The following SLC22A23 variants were observed in gnomAD, a reference collection of about 807,000 sequenced individuals.
The protein encoded by SLC22A23 is ion transporter protein.
Under a neutral mutation model 61.0 loss-of-function variants are expected in SLC22A23, and 26 were observed. The ratio of observed to expected loss-of-function variants is 0.43; its 90% confidence interval spans 0.31 to 0.59. The LOEUF is 0.59. SLC22A23 is among the 20% of genes least tolerant of loss of function. The probability of loss-of-function intolerance (pLI) is 0.11; values close to 1 mark genes in which losing one functional copy is unlikely to be tolerated. For missense variants in SLC22A23, 796 were observed against 934.7 expected (o/e 0.85, Z 1.94); for synonymous variants, 430 against 413.9 (o/e 1.04, Z -0.47).
At position 3,273,020 on chromosome 6, in the gene SLC22A23, C is replaced by A; in HGVS notation, c.*35G>T. 6.6e-7 allele frequency: 1 copy of A among 1,505,062 alleles called. No homozygotes were observed. Among genetic ancestry groups the A allele is most frequent in the African/African-American group, 1.4e-5 (1 of 72,118 alleles). The allele number at this position is 1,505,062 out of a possible 1,614,324, so 93.2% of individuals were successfully genotyped here. On this transcript the variant is annotated 3_prime_UTR_variant, in exon 10 of 10. Coordinates refer to ENST00000406686, the MANE Select transcript of SLC22A23 (RefSeq NM_015482.2). ...GTCTGTAAACCTGTGCCCAAGCTGCCCCAGACCCTGGAGCCCCGGGTTCCG... is the reference window on the plus strand; with the variant it reads ...GTCTGTAAACCTGTGCCCAAGCTGCACCAGACCCTGGAGCCCCGGGTTCCG...
intron 1 of SLC22A23, among the ~76,000 whole-genome samples, chr6:3,442,354 A>G (rs1771653908): frequency 6.6e-6 from 1 of 152,236 alleles, no homozygotes; most frequent in Admixed American, 6.5e-5. Flanking sequence ...CTGCACAACA[A>G]TGAGGATGCA....
Position 3,318,058 on chromosome 6 carries a change from C to A in SLC22A23, c.1082+5776G>T, listed in dbSNP as rs540712985. Among the ~76,000 whole-genome samples the A allele has an allele frequency of 2.4e-4, 36 of 152,300 alleles. No individual in the cohort carries two copies. The highest frequency in any genetic ancestry group is 6.8e-3 in the Middle Eastern group (2 of 294). ...CTCCTGTGCTCACTGCACCCCCTGCCAAGTCCCTGTCCAGTCTCTGGGTGC... is the reference window on the plus strand; with the variant it reads ...CTCCTGTGCTCACTGCACCCCCTGCAAAGTCCCTGTCCAGTCTCTGGGTGC... On this transcript the variant is annotated intron_variant, in intron 4 of 9. Coordinates refer to ENST00000406686, the MANE Select transcript of SLC22A23 (RefSeq NM_015482.2). This position sits in a 1 kb window ranked among gnomAD's most constrained non-coding sequence, Gnocchi z 4.3.
intron 9 of SLC22A23, chr6:3,283,573 A>G (rs1389761556): frequency 2.4e-6 from 1 of 408,932 alleles, no homozygotes; most frequent in African/African-American, 2.0e-5. Context: ...CCCCCTTGCC[A>G]GACGCTCAGA....
At chr6:3,361,427 T>C (rs921843737) in intron 3 of SLC22A23, among the ~76,000 whole-genome samples, 1 of 152,072 alleles carries the variant, frequency 6.6e-6, no homozygotes, top group Non-Finnish European at 1.5e-5. Flanking sequence ...CAGCATCATG[T>C]GGCCAGGTTA....
chr6:3,428,225 C>T (rs1417200782), intron 1 of SLC22A23, among the ~76,000 whole-genome samples: 2 of 152,232 alleles, frequency 1.3e-5, no homozygotes, highest in South Asian at 2.1e-4. Context: ...GCCCAAGTCG[C>T]GGCCCTCACC....
At chr6:3,450,281 G>GA (rs1772100076) in intron 1 of SLC22A23, among the ~76,000 whole-genome samples, 1 of 152,230 alleles carries the variant, frequency 6.6e-6, no homozygotes, top group Non-Finnish European at 1.5e-5. Flanking sequence ...CCACCACTGG[G>GA]ATGACCTCAT....
intron 3 of SLC22A23, among the ~76,000 whole-genome samples, chr6:3,354,932 G>A (rs1236177415): frequency 6.6e-6 from 1 of 152,076 alleles, no homozygotes; most frequent in Non-Finnish European, 1.5e-5. Context: ...AGGACCTGAG[G>A]GCCAGAGGGT....
chr6:3,392,348 G>T (rs947105959), intron 3 of SLC22A23, among the ~76,000 whole-genome samples: 6 of 152,236 alleles, frequency 3.9e-5, no homozygotes, highest in Admixed American at 2.6e-4. Context: ...ATTGATGATA[G>T]AAATAAACTC....
chr6:3,302,942 T>A (rs1465548760), intron 4 of SLC22A23: 1 of 152,176 alleles, frequency 6.6e-6, no homozygotes, highest in African/African-American at 2.4e-5. Flanking sequence ...TGAGAGAAAG[T>A]CTTTGCAAAC....
At chr6:3,310,317 C>A (rs1762290134) in intron 4 of SLC22A23, among the ~76,000 whole-genome samples, 1 of 143,654 alleles carries the variant, frequency 7.0e-6, no homozygotes, top group African/African-American at 2.7e-5. Context: ...ACTCAAGCAC[C>A]CTGCCTCCCA....
chr6:3,297,948 A>G lies in SLC22A23; in HGVS notation c.1210+143T>C. ...AAATGGAGAGAATGTCAAGGTTGCC[A>G]CATTGCCCTTGTGCAGGCCAAAAGG... On this transcript the variant is annotated intron_variant, in intron 5 of 9. Coordinates refer to ENST00000406686, the MANE Select transcript of SLC22A23 (RefSeq NM_015482.2). This position sits in a 1 kb window ranked among gnomAD's most constrained non-coding sequence, Gnocchi z 4.3. 3 of 942,696 alleles carry G rather than the reference A, an allele frequency of 3.2e-6. No homozygotes were observed. The highest frequency in any genetic ancestry group is 4.5e-6 in the Non-Finnish European group (3 of 672,152). 58.4% of individuals were successfully genotyped at this position (942,696 alleles called of 1,614,324 possible). A position where few individuals can be genotyped will look rare whatever the true frequency, so the allele number is the denominator to read the frequency against.
intron 5 of SLC22A23, among the ~76,000 whole-genome samples, chr6:3,292,461 T>C (rs949399177): frequency 1.3e-4 from 20 of 152,204 alleles, no homozygotes; most frequent in African/African-American, 4.8e-4. Flanking sequence ...TAGGATTTGC[T>C]GCTGCGAGCA....
At chr6:3,413,387 C>T (rs973717230) in intron 2 of SLC22A23, among the ~76,000 whole-genome samples, 5 of 152,210 alleles carry the variant, frequency 3.3e-5, no homozygotes, top group African/African-American at 1.2e-4. Context: ...TCCCCACTGG[C>T]CACACTCGGC....
At position 3,372,426 on chromosome 6, in the gene SLC22A23, A is replaced by G. The variant is rs1294148883; in HGVS notation, c.913+37762T>C. On this transcript the variant is annotated intron_variant, in intron 3 of 9. Coordinates refer to ENST00000406686, the MANE Select transcript of SLC22A23 (RefSeq NM_015482.2). This position sits in a 1 kb window ranked among gnomAD's most constrained non-coding sequence, Gnocchi z 4.7. ...GGGGATGGGCGTGGCTGCTGACAGC[A>G]CGTAAGGTGGACAGAGCAGGGCATG... 1.3e-5 allele frequency among the ~76,000 whole-genome samples: 2 copies of G among 152,224 alleles called. No homozygotes were observed. Among genetic ancestry groups the G allele is most frequent in the Middle Eastern group, 3.2e-3 (1 of 316 alleles).
chr6:3,428,800 C>T (rs557029262), intron 1 of SLC22A23, among the ~76,000 whole-genome samples: 1 of 152,292 alleles, frequency 6.6e-6, no homozygotes, highest in South Asian at 2.1e-4. Flanking sequence ...TTTTTGAAGG[C>T]AGCATGCCTA....
intron 3 of SLC22A23, among the ~76,000 whole-genome samples, chr6:3,335,676 TG>T (rs1763813379): frequency 6.6e-6 from 1 of 152,190 alleles, no homozygotes; most frequent in Non-Finnish European, 1.5e-5. Context: ...TCTTCTTTCC[TG>T]GGGGCTCCAT....
At chr6:3,289,952 G>T in intron 5 of SLC22A23, 86 bp from the exon 6 acceptor site, 8 of 797,642 alleles carry the variant, frequency 1.0e-5, no homozygotes, top group African/African-American at 1.7e-5. Context: ...TGGTTCCCCA[G>T]TTCGGGTACC....
chr6:3,325,344 T>C (rs563391817), intron 3 of SLC22A23, among the ~76,000 whole-genome samples: 2 of 152,232 alleles, frequency 1.3e-5, no homozygotes, highest in South Asian at 4.1e-4. Flanking sequence ...TTACCAGCCC[T>C]AACAAGGAGA....
At chr6:3,391,326 C>T (rs1048328605) in intron 3 of SLC22A23, among the ~76,000 whole-genome samples, 6 of 152,220 alleles carry the variant, frequency 3.9e-5, no homozygotes, top group African/African-American at 1.4e-4. Context: ...GGCATCCACG[C>T]CAAATCCATC....
Sources: gnomAD v4.1 joint callset for allele counts (sites outside exome capture counted in the v4.1 genomes callset) on GRCh38, gnomAD v4.1.1 for gene constraint, Gnocchi (gnomAD v3.1) non-coding constraint, MANE v1.5 for transcripts, NCBI Gene and HGNC (gene_info 2026-07-23, HGNC 2026-07-21) for gene names.